NAV2: variants seen among roughly 807,000 people sequenced by gnomAD.
The protein encoded by NAV2 is helicase, APC down-regulated 1.
In NAV2, 54 loss-of-function variants were observed where a neutral mutation model predicts 223.2. The ratio of observed to expected loss-of-function variants is 0.24; its 90% CI spans 0.19 to 0.30. The LOEUF is 0.30. NAV2 is among the 10% of genes least tolerant of loss of function. NAV2 has a pLI of 1.00. For synonymous variants in NAV2, 1,279 were observed against 1,239.3 expected (o/e 1.03, Z -0.67); for missense variants, 2,806 against 3,147.5 (o/e 0.89, Z 2.60).
chr11:19,492,529 A>C (rs974087273), intron 1 of NAV2, among the ~76,000 whole-genome samples: 1 of 151,932 alleles, frequency 6.6e-6, no homozygotes, highest in African/African-American at 2.4e-5. Context: ...GAGGATAAAA[A>C]CCGTATTCTA....
At chr11:19,593,704 T>C (rs1326865583) in intron 1 of NAV2, among the ~76,000 whole-genome samples, 1 of 151,994 alleles carries the variant, frequency 6.6e-6, no homozygotes, top group African/African-American at 2.4e-5. Flanking sequence ...TTGCTGGAAT[T>C]TGGTGTTGCC....
intron 1 of NAV2, among the ~76,000 whole-genome samples, chr11:19,609,357 G>A (rs180946087): frequency 3.6e-4 from 55 of 152,276 alleles, no homozygotes; most frequent in Middle Eastern, 3.4e-3. Context: ...AGAGGAAAGA[G>A]GGGAGGGAGA....
At position 20,115,056 on chromosome 11, in the gene NAV2, A is replaced by C. The variant is rs371544101; in HGVS notation, c.7164+261A>C. On this transcript the variant is annotated intron_variant, in intron 37 of 37. Coordinates refer to ENST00000349880, the MANE Select transcript of NAV2 (RefSeq NM_145117.5). ...TTTCCCCTTAAATGTTCTTATACCT[A>C]CTGTCTCTATACAACACTTTGCCCT... Among the ~76,000 whole-genome samples, 110 of 152,260 alleles carry C rather than the reference A, an allele frequency of 7.2e-4. 1 individual carries two copies. The highest frequency in any genetic ancestry group is 2.6e-3 in the African/African-American group (107 of 41,536).
chr11:19,856,705 A>G lies in NAV2; in HGVS notation c.439-12220A>G, dbSNP rs186540865. ...GATTTCTCATAGACATTAACACAAT[A>G]GGGTGTTCTATAAAGGCAGAGAATA... On this transcript the variant is annotated intron_variant, in intron 3 of 37. Coordinates refer to ENST00000349880, the MANE Select transcript of NAV2 (RefSeq NM_145117.5). Among the ~76,000 whole-genome samples the G allele has an allele frequency of 5.2e-4, 79 of 152,348 alleles. 2 individuals carry two copies. In the East Asian group the frequency reaches 0.013, roughly 26 times the overall value.
At chr11:19,655,390 G>A (rs570213616) in intron 1 of NAV2, among the ~76,000 whole-genome samples, 1 of 152,240 alleles carries the variant, frequency 6.6e-6, no homozygotes, top group South Asian at 2.1e-4. Context: ...TCCCATTAAT[G>A]GGTATATACC....
chr11:19,834,133 G>A (rs954906652), intron 2 of NAV2, among the ~76,000 whole-genome samples: 3 of 152,204 alleles, frequency 2.0e-5, no homozygotes, highest in Non-Finnish European at 2.9e-5. Flanking sequence ...ATCATTAGGG[G>A]TCGCTGTAAA....
intron 1 of NAV2, among the ~76,000 whole-genome samples, chr11:19,550,348 G>A (rs1394817481): frequency 2.6e-5 from 4 of 152,194 alleles, no homozygotes; most frequent in African/African-American, 4.8e-5. Context: ...GGGAATGCAC[G>A]TTTATTAAGC....
At chr11:19,838,780 T>A (rs566919555) in intron 2 of NAV2, among the ~76,000 whole-genome samples, 1 of 152,286 alleles carries the variant, frequency 6.6e-6, no homozygotes, top group Non-Finnish European at 1.5e-5. Context: ...TACACCACCA[T>A]GCCCAGCTAA....
chr11:19,395,658 C>T (rs1055017510), intron 1 of NAV2, among the ~76,000 whole-genome samples: 2 of 152,296 alleles, frequency 1.3e-5, no homozygotes, highest in African/African-American at 2.4e-5. Context: ...AACTTGCTAC[C>T]GGTTTCTGGA....
chr11:19,810,548 T>G (rs2058789744), intron 1 of NAV2, among the ~76,000 whole-genome samples: 1 of 152,258 alleles, frequency 6.6e-6, no homozygotes, highest in Non-Finnish European at 1.5e-5. Context: ...ACATGCTATA[T>G]AGATCAGTAT....
chr11:19,995,822 G>T (rs1219848922), intron 11 of NAV2, among the ~76,000 whole-genome samples: 14 of 152,190 alleles, frequency 9.2e-5, no homozygotes, highest in Non-Finnish European at 2.9e-5. Flanking sequence ...TAACTGAATT[G>T]TTTTTATTTT....
intron 1 of NAV2, among the ~76,000 whole-genome samples, chr11:19,750,543 C>T (rs1055886857): frequency 2.6e-5 from 4 of 152,186 alleles, no homozygotes; most frequent in Non-Finnish European, 4.4e-5. Context: ...AACTCTATCC[C>T]ACCTTCCTGC....
intron 1 of NAV2, among the ~76,000 whole-genome samples, chr11:19,793,716 G>A (rs1239818911): frequency 6.6e-6 from 1 of 152,144 alleles, no homozygotes; most frequent in African/African-American, 2.4e-5. Flanking sequence ...GGCTACTCAA[G>A]GAAACAGAAT....
intron 2 of NAV2, among the ~76,000 whole-genome samples, chr11:19,840,811 A>G (rs754586248): frequency 3.3e-4 from 50 of 152,196 alleles, no homozygotes; most frequent in Non-Finnish European, 6.3e-4. Context: ...AGATATTCAG[A>G]AGACTTATTT....
At chr11:20,111,386 C>A (rs2062626515) in intron 36 of NAV2, among the ~76,000 whole-genome samples, 1 of 152,208 alleles carries the variant, frequency 6.6e-6, no homozygotes, top group Non-Finnish European at 1.5e-5. Context: ...TCGGGGCCTG[C>A]AGTGGAGCTG....
intron 1 of NAV2, among the ~76,000 whole-genome samples, chr11:19,811,454 G>A (rs2152811733): frequency 6.6e-6 from 1 of 152,284 alleles, no homozygotes; most frequent in South Asian, 2.1e-4. Flanking sequence ...ACAAGTCAGT[G>A]GGTTGGAGCA....
intron 7 of NAV2, among the ~76,000 whole-genome samples, chr11:19,937,596 G>T (rs1294927739): frequency 6.6e-6 from 1 of 152,196 alleles, no homozygotes; most frequent in Non-Finnish European, 1.5e-5. Context: ...AGGATGCTGA[G>T]ATTCAAAGAG....
rs189139483 is a variant in NAV2 at position 19,727,427 on chromosome 11, C to T, written c.267+13465C>T. ...TCCAGTTCTTGAGTCCCCCAAATCA[C>T]ATTGCATCATTCTAGCATGTGGTTA... On this transcript the variant is annotated intron_variant, in intron 1 of 37. Coordinates refer to ENST00000349880, the MANE Select transcript of NAV2 (RefSeq NM_145117.5). 1.2e-3 allele frequency among the ~76,000 whole-genome samples: 178 copies of T among 152,250 alleles called. 1 individual carries two copies. The highest frequency in any genetic ancestry group is 2.2e-3 in the Non-Finnish European group (152 of 68,042).
chr11:19,870,267 G>A (rs1226532372), intron 4 of NAV2, among the ~76,000 whole-genome samples: 3 of 152,158 alleles, frequency 2.0e-5, no homozygotes, highest in African/African-American at 7.2e-5. Flanking sequence ...GCGGGGGTTT[G>A]CTGGGAGTAG....
Sources: gnomAD v4.1 joint callset for allele counts (sites outside exome capture counted in the v4.1 genomes callset) on GRCh38, gnomAD v4.1.1 for gene constraint, MANE v1.5 for transcripts, NCBI Gene and HGNC (gene_info 2026-07-23, HGNC 2026-07-21) for gene names.